GPM6B: variants seen among roughly 807,000 people sequenced by gnomAD.
The protein encoded by GPM6B is glycoprotein M6B, also known as neuronal membrane glycoprotein M6-b.
GPM6B carries 4 observed loss-of-function variants against 27.2 expected under a neutral mutation model. The observed-to-expected ratio is 0.15, with a 90% confidence interval of 0.07 to 0.34. GPM6B has a LOEUF of 0.34. GPM6B is among the 10% of genes least tolerant of loss of function. The pLI is 1.00. For missense variants in GPM6B, 183 were observed against 261.9 expected (o/e 0.70, Z 2.08); for synonymous variants, 124 against 103.1 (o/e 1.20, Z -1.23).
At chrX:13,837,378 CG>C (rs780010441) in intron 1 of GPM6B, among the ~76,000 whole-genome samples, 8 of 111,677 alleles carry the variant, frequency 7.2e-5, no homozygotes, top group East Asian at 2.8e-4. Context: ...GGCCTTCCCC[CG>C]AGGGGGCCGC....
intron 1 of GPM6B, among the ~76,000 whole-genome samples, chrX:13,912,881 GTTTAT>G (rs1298970269): frequency 2.7e-5 from 3 of 111,995 alleles, no homozygotes; most frequent in African/African-American, 9.7e-5. Flanking sequence ...TTTCCAGTTT[GTTTAT>G]TTTGTTTCCG....
chrX:13,932,112 A>T (rs750598841), intron 1 of GPM6B, among the ~76,000 whole-genome samples: 36 of 111,937 alleles, frequency 3.2e-4, no homozygotes, highest in African/African-American at 9.4e-4. Context: ...ATTCTCTGTG[A>T]CCAACAGGGT....
At chrX:13,851,230 C>T (rs2049714869) in intron 1 of GPM6B, among the ~76,000 whole-genome samples, 1 of 109,705 alleles carries the variant, frequency 9.1e-6, no homozygotes, top group Admixed American at 9.8e-5. Flanking sequence ...AATTCCCATT[C>T]CAAGTCACTG....
intron 1 of GPM6B, among the ~76,000 whole-genome samples, chrX:13,900,349 G>A (rs1052949149): frequency 5.4e-5 from 6 of 111,617 alleles, no homozygotes; most frequent in East Asian, 5.6e-4. Context: ...CCTAGAAAAA[G>A]GCCTGAAGTT....
intron 1 of GPM6B, among the ~76,000 whole-genome samples, chrX:13,906,544 T>C (rs1052052389): frequency 8.9e-6 from 1 of 112,241 alleles, no homozygotes; most frequent in Non-Finnish European, 1.9e-5. Context: ...TTTGAAATAA[T>C]TGTGATTAGA....
intron 2 of GPM6B, among the ~76,000 whole-genome samples, chrX:13,797,119 C>T (rs974423891): frequency 2.7e-5 from 3 of 112,165 alleles, no homozygotes; most frequent in African/African-American, 3.2e-5. Context: ...ACCATCTGGG[C>T]GACAGTGTCT....
chrX:13,816,950 C>A lies in GPM6B; in HGVS notation c.-46G>T, dbSNP rs780946728. 73 of 1,161,525 alleles carry A rather than the reference C, an allele frequency of 6.3e-5. No homozygotes were observed. The highest frequency in any genetic ancestry group is 7.4e-5 in the Non-Finnish European group (65 of 874,695). On this transcript the variant is annotated 5_prime_UTR_variant, in exon 1 of 8. Transcript: ENST00000316715. ...TTCCCCCTGTTCCCCCCAACACACA[C>A]TTGTTTTTCCTCCTCTTCCTTTTCT...
chrX:13,896,838 G>C (rs931833868), intron 1 of GPM6B, among the ~76,000 whole-genome samples: 3 of 111,878 alleles, frequency 2.7e-5, no homozygotes, highest in East Asian at 5.6e-4. Context: ...AAAGTGCTGG[G>C]ATTACAGGCA....
intron 1 of GPM6B, among the ~76,000 whole-genome samples, chrX:13,861,400 G>A (rs2049851358): frequency 9.0e-6 from 1 of 111,241 alleles, no homozygotes; most frequent in South Asian, 3.8e-4. Context: ...TTTCTATAGT[G>A]GTTGTACTAG....
At chrX:13,844,604 C>G (rs2049621425) in intron 1 of GPM6B, among the ~76,000 whole-genome samples, 1 of 111,928 alleles carries the variant, frequency 8.9e-6, no homozygotes, top group African/African-American at 3.3e-5. Context: ...AATTGCCAAG[C>G]CCTGGACACA....
intron 1 of GPM6B, among the ~76,000 whole-genome samples, chrX:13,815,213 C>T (rs961053248): frequency 3.2e-4 from 36 of 111,806 alleles, no homozygotes; most frequent in African/African-American, 9.4e-4. Context: ...AAGACCAAAA[C>T]GGTTTTATCT....
intron 2 of GPM6B, among the ~76,000 whole-genome samples, chrX:13,788,613 G>A (rs189416271): frequency 1.8e-5 from 2 of 109,673 alleles, no homozygotes; most frequent in African/African-American, 6.6e-5. Context: ...TTTGGAGTTA[G>A]GGTTAGGTGT....
intron 2 of GPM6B, among the ~76,000 whole-genome samples, chrX:13,799,358 A>G (rs2147160322): frequency 9.6e-6 from 1 of 103,987 alleles, no homozygotes; most frequent in African/African-American, 3.5e-5. Context: ...GACTACAGGC[A>G]CCCACCAATA....
At chrX:13,892,621 C>T (rs893522992) in intron 1 of GPM6B, among the ~76,000 whole-genome samples, 4 of 111,906 alleles carry the variant, frequency 3.6e-5, no homozygotes, top group African/African-American at 1.3e-4. Context: ...ATTCAAACTC[C>T]TGGGCTCAAG....
intron 1 of GPM6B, among the ~76,000 whole-genome samples, chrX:13,874,764 G>A: frequency 9.0e-6 from 1 of 111,166 alleles, no homozygotes; most frequent in Non-Finnish European, 1.9e-5. Context: ...AGACTCTGGA[G>A]TCAAACATAC....
chrX:13,927,121 A>T (rs1921254584), intron 1 of GPM6B, among the ~76,000 whole-genome samples: 1 of 110,346 alleles, frequency 9.1e-6, no homozygotes, highest in Non-Finnish European at 1.9e-5. Flanking sequence ...CCAAATGACC[A>T]ATAACCTACA....
intron 1 of GPM6B, among the ~76,000 whole-genome samples, chrX:13,835,843 T>A (rs1226618155): frequency 8.9e-6 from 1 of 112,045 alleles, no homozygotes; most frequent in East Asian, 2.8e-4. Flanking sequence ...ACTTTCAGAG[T>A]CTGCTTAACT....
intron 1 of GPM6B, among the ~76,000 whole-genome samples, chrX:13,936,654 C>T (rs757300737): frequency 8.9e-6 from 1 of 112,182 alleles, no homozygotes; most frequent in Non-Finnish European, 1.9e-5. Context: ...AAACCAAAAC[C>T]AAGGATACTG....
chrX:13,844,444 A>G (rs2084801572), intron 1 of GPM6B, among the ~76,000 whole-genome samples: 1 of 112,526 alleles, frequency 8.9e-6, no homozygotes. Context: ...TAGTGCCTTC[A>G]TCTTCTGACA....
Sources: allele counts gnomAD v4.1 joint callset (sites outside exome capture counted in the v4.1 genomes callset), GRCh38; gene constraint gnomAD v4.1.1; transcripts MANE v1.5; gene names NCBI Gene and HGNC (gene_info 2026-07-23, HGNC 2026-07-21).